The following SMYD3 variants were observed in gnomAD, a reference collection of about 807,000 sequenced individuals.
The protein encoded by SMYD3 is SET and MYND domain containing 3.
A neutral mutation model predicts 57.7 loss-of-function variants in SMYD3; 36 were observed. The observed-to-expected ratio is 0.62, with a 90% CI of 0.48 to 0.82. The LOEUF (loss-of-function observed/expected upper bound fraction) is 0.82. Ranked by LOEUF, SMYD3 falls within the 40% of genes least tolerant of loss-of-function variation. The pLI is 0.00. For synonymous variants in SMYD3, 211 were observed against 195.0 expected (o/e 1.08, Z -0.68); for missense variants, 515 against 538.8 (o/e 0.96, Z 0.44).
At chr1:246,199,363 A>G (rs1171606793) in intron 5 of SMYD3, among the ~76,000 whole-genome samples, 1 of 152,186 alleles carries the variant, frequency 6.6e-6, no homozygotes, top group Non-Finnish European at 1.5e-5. Context: ...TGCACTCAGC[A>G]CCTCACACTG....
intron 5 of SMYD3, among the ~76,000 whole-genome samples, chr1:246,236,846 A>G (rs1366131190): frequency 1.3e-5 from 2 of 152,152 alleles, no homozygotes; most frequent in African/African-American, 4.8e-5. Context: ...AGCTTGAAAG[A>G]AGGCTGTAAG....
At chr1:245,849,660 T>C (rs1250690462) in intron 10 of SMYD3, among the ~76,000 whole-genome samples, 1 of 127,270 alleles carries the variant, frequency 7.9e-6, no homozygotes, top group African/African-American at 2.9e-5. Context: ...TTATATTATT[T>C]ATTTTATTTT....
At chr1:246,366,088 T>C (rs184073051) in intron 1 of SMYD3, among the ~76,000 whole-genome samples, 2 of 152,288 alleles carry the variant, frequency 1.3e-5, no homozygotes, top group African/African-American at 4.8e-5. Flanking sequence ...AGAATCAAGA[T>C]ACCTAAGAAG....
intron 11 of SMYD3, among the ~76,000 whole-genome samples, chr1:245,761,509 G>A (rs1480586430): frequency 6.6e-6 from 1 of 152,146 alleles, no homozygotes; most frequent in East Asian, 1.9e-4. Flanking sequence ...GGTATTAGAT[G>A]TCTCCTTCAG....
intron 5 of SMYD3, among the ~76,000 whole-genome samples, chr1:246,212,183 A>G (rs1377469361): frequency 1.3e-5 from 2 of 152,126 alleles, no homozygotes; most frequent in African/African-American, 4.8e-5. Flanking sequence ...AATATGCAAC[A>G]AAACTTTTAA....
At chr1:245,928,704 T>G (rs1224937686) in intron 6 of SMYD3, among the ~76,000 whole-genome samples, 1 of 152,012 alleles carries the variant, frequency 6.6e-6, no homozygotes, top group Non-Finnish European at 1.5e-5. Context: ...CATAATGGGA[T>G]GCAGCAGCCA....
intron 5 of SMYD3, among the ~76,000 whole-genome samples, chr1:245,977,858 C>T (rs78278189): frequency 0.026 from 3,895 of 152,262 alleles, 156 homozygotes; most frequent in African/African-American, 0.083. Context: ...GTGCACTCGG[C>T]TGGCAAGCAG....
At chr1:246,487,262 T>TATA (rs1252248238) in intron 1 of SMYD3, among the ~76,000 whole-genome samples, 2 of 151,976 alleles carry the variant, frequency 1.3e-5, no homozygotes, top group Non-Finnish European at 2.9e-5. Flanking sequence ...GCCTGGCCAA[T>TATA]ATAGCCAAAC....
In SMYD3 at chr1:245,858,523, T is replaced by C. The variant is rs1203321904; in HGVS notation, c.1049A>G (p.Tyr350Cys). The C allele has an allele frequency of 5.6e-6, 9 of 1,614,154 alleles. No homozygotes were observed. Among genetic ancestry groups the C allele is most frequent in the Admixed American group, 1.7e-5 (1 of 60,018 alleles). The change falls in exon 10 of 12, where the codon TAT becomes TGT. Residue 350 changes from tyrosine (Y) to cysteine (C), a missense_variant. Tyr to Cys is a radical substitution (Grantham distance 194). Transcript: ENST00000490107. ...NLGLLEEALF[Y>C]GTRTMEPYRI... ...GTATGGCTCCATGGTCCGAGTACCA[T>C]AGAACAAGGCTTCCTCCAACAGGCC... is the stretch of plus-strand genomic sequence containing the variant.
Position 245,888,514 on chromosome 1 carries a change from A to G in SMYD3, c.814-24628T>C, listed in dbSNP as rs1239874409. Among the ~76,000 whole-genome samples the G allele has an allele frequency of 3.3e-5, 5 of 152,190 alleles. No individual in the cohort carries two copies. The East Asian group carries it at 7.7e-4, about 23-fold the overall frequency. On this transcript the variant is annotated intron_variant, in intron 8 of 11. Coordinates refer to ENST00000490107, the MANE Select transcript of SMYD3 (RefSeq NM_001167740.2). ...ATCAAAAGAGCACTGCCCCAGAATT[A>G]TGATACTTGTATTTTCTGGGCCGGA... is the stretch of plus-strand genomic sequence containing the variant.
chr1:245,933,020 T>C (rs922388322), intron 5 of SMYD3, among the ~76,000 whole-genome samples: 2 of 152,214 alleles, frequency 1.3e-5, no homozygotes, highest in Non-Finnish European at 2.9e-5. Flanking sequence ...CATACACAAC[T>C]GATAGCAACA....
chr1:246,496,279 C>A (rs2068359794), intron 1 of SMYD3, among the ~76,000 whole-genome samples: 1 of 151,956 alleles, frequency 6.6e-6, no homozygotes, highest in African/African-American at 2.4e-5. Flanking sequence ...CGTGATCTGC[C>A]CGTCTCAGCC....
intron 5 of SMYD3, among the ~76,000 whole-genome samples, chr1:246,271,877 C>G (rs1274407290): frequency 4.6e-5 from 7 of 152,096 alleles, no homozygotes; most frequent in Non-Finnish European, 1.0e-4. Flanking sequence ...CTGTAGAGGC[C>G]TTTGGGTAGG....
Position 246,355,385 on chromosome 1 carries a change from C to T in SMYD3, c.165-291G>A, listed in dbSNP as rs1403210944. The T allele has an allele frequency of 2.6e-5, 9 of 342,520 alleles. No individual in the cohort carries two copies. The highest frequency in any genetic ancestry group is 1.5e-4 in the African/African-American group (7 of 46,668). 21.2% of individuals were successfully genotyped at this position (342,520 alleles called of 1,614,324 possible). ...ACAGAGCAGCGTGTGGGGACTCACA[C>T]TGTGAACTTTTGATCCAACAACTGC... On this transcript the variant is annotated intron_variant, in intron 1 of 11. Transcript: ENST00000490107. This position sits in a 1 kb window ranked among gnomAD's most constrained non-coding sequence, Gnocchi z 5.0.
intron 10 of SMYD3, among the ~76,000 whole-genome samples, chr1:245,837,895 A>G (rs529933275): frequency 1.3e-5 from 2 of 152,374 alleles, no homozygotes; most frequent in Non-Finnish European, 2.9e-5. Context: ...TGGAGGGTAA[A>G]GTTAATTTTC....
intron 5 of SMYD3, among the ~76,000 whole-genome samples, chr1:246,042,513 C>T (rs2059895843): frequency 6.6e-6 from 1 of 152,182 alleles, no homozygotes; most frequent in Non-Finnish European, 1.5e-5. Context: ...TCTTTGGGAA[C>T]ACCGTTCAAT....
chr1:246,014,576 T>C (rs1301020978), intron 5 of SMYD3, among the ~76,000 whole-genome samples: 3 of 152,282 alleles, frequency 2.0e-5, no homozygotes, highest in East Asian at 1.9e-4. Flanking sequence ...AATGACACCA[T>C]AACAGATCTT....
chr1:246,064,900 T>G (rs1033494295), intron 5 of SMYD3, among the ~76,000 whole-genome samples: 4 of 152,250 alleles, frequency 2.6e-5, no homozygotes, highest in African/African-American at 9.6e-5. Flanking sequence ...CCTGTGACCG[T>G]GTAGGTCTGC....
rs553316290 is a variant in SMYD3, at chr1:245,980,882, T to G, written c.532-50945A>C. Among the ~76,000 whole-genome samples, 23 of 152,348 alleles carry G rather than the reference T, an allele frequency of 1.5e-4. 1 individual carries two copies. In the Middle Eastern group the frequency reaches 0.014, roughly 90 times the overall value. On this transcript the variant is annotated intron_variant, in intron 5 of 11. Transcript: ENST00000490107. Reference sequence around the variant, plus strand: ...CATGGTACCTCGGCCACTGTTTTTGTAAATCAAGTTTTGTTGGTACTCGTC... The same window carrying G: ...CATGGTACCTCGGCCACTGTTTTTGGAAATCAAGTTTTGTTGGTACTCGTC...
Sources: allele counts gnomAD v4.1 joint callset (sites outside exome capture counted in the v4.1 genomes callset), GRCh38; gene constraint gnomAD v4.1.1; non-coding constraint Gnocchi (gnomAD v3.1); transcripts MANE v1.5; gene names NCBI Gene and HGNC (gene_info 2026-07-23, HGNC 2026-07-21).